The following COLEC10 variants were observed in gnomAD, a reference collection of about 807,000 sequenced individuals.
The protein encoded by COLEC10 is collectin-10.
COLEC10 carries 22 observed loss-of-function variants against 28.4 expected under a neutral mutation model. That is an observed-to-expected ratio of 0.78 (90% CI 0.55 to 1.11). The LOEUF (loss-of-function observed/expected upper bound fraction) is 1.11. Among genes scored for constraint, COLEC10 ranks in the 50% least tolerant of loss-of-function variants. The pLI is 0.00. For synonymous variants in COLEC10, 125 were observed against 116.1 expected (o/e 1.08, Z -0.49); for missense variants, 361 against 344.1 (o/e 1.05, Z -0.39).
the COLEC10 span, among the ~76,000 whole-genome samples, chr8:118,960,785 GAAAA>G: frequency 2.0e-3 from 148 of 72,552 alleles, no homozygotes; most frequent in African/African-American, 7.1e-3. Flanking sequence ...GAGACTCTGT[GAAAA>G]AAAAAAAAAA....
chr8:118,958,680 C>T, the COLEC10 span, among the ~76,000 whole-genome samples: 80 of 152,318 alleles, frequency 5.3e-4, no homozygotes, highest in Non-Finnish European at 6.6e-4. Context: ...ATTTGGAATA[C>T]GATGAGACCT....
chr8:118,956,568 A>G, the COLEC10 span, among the ~76,000 whole-genome samples: 4 of 152,198 alleles, frequency 2.6e-5, no homozygotes, highest in Non-Finnish European at 5.9e-5. Context: ...AGTCACTTCA[A>G]CTGGAGTTTC....
At chr8:118,971,293 C>T in the COLEC10 span, among the ~76,000 whole-genome samples, 2 of 151,954 alleles carry the variant, frequency 1.3e-5, no homozygotes, top group East Asian at 3.9e-4. Context: ...GCAAGGTCAC[C>T]TCTGGATGAT....
intron 1 of COLEC10, among the ~76,000 whole-genome samples, chr8:119,002,070 A>G (rs1196684718): frequency 1.3e-5 from 2 of 152,232 alleles, no homozygotes; most frequent in African/African-American, 4.8e-5. Flanking sequence ...TGCATTGCCT[A>G]GAAAGCAATC....
chr8:119,009,412 A>G (rs1305315873), intron 1 of COLEC10: 3 of 150,454 alleles, frequency 2.0e-5, no homozygotes, highest in Admixed American at 6.6e-5. Context: ...GTTATAAGAC[A>G]AGGCTCTTCT....
chr8:119,047,301 C>T (rs915826161), intron 2 of COLEC10, among the ~76,000 whole-genome samples: 2 of 152,154 alleles, frequency 1.3e-5, no homozygotes, highest in Admixed American at 1.3e-4. Flanking sequence ...ATGGATCAAG[C>T]AGCCAGAAAA....
intron 1 of COLEC10, among the ~76,000 whole-genome samples, chr8:119,079,977 T>C (rs1815337875): frequency 6.6e-6 from 1 of 152,180 alleles, no homozygotes; most frequent in Non-Finnish European, 1.5e-5. Flanking sequence ...TCCTTACATA[T>C]TGTGTTTCCT....
At chr8:118,997,304 T>C (rs1356009126) in intron 1 of COLEC10, among the ~76,000 whole-genome samples, 1 of 151,906 alleles carries the variant, frequency 6.6e-6, no homozygotes, top group Non-Finnish European at 1.5e-5. Flanking sequence ...AGAGGCTGTT[T>C]AGTTTGATGT....
upstream of COLEC10, among the ~76,000 whole-genome samples, chr8:119,063,589 G>A (rs1814896408): frequency 6.6e-6 from 1 of 152,072 alleles, no homozygotes; most frequent in African/African-American, 2.4e-5. Context: ...GGTCCACCCA[G>A]ATAATCTAGG....
chr8:119,057,869 G>T (rs906964200), intron 2 of COLEC10, among the ~76,000 whole-genome samples: 2 of 152,010 alleles, frequency 1.3e-5, no homozygotes, highest in African/African-American at 4.8e-5. Context: ...GACCAGAAAA[G>T]GATATTGATT....
At chr8:119,000,913 AC>A (rs1813685010) in intron 1 of COLEC10, among the ~76,000 whole-genome samples, 1 of 139,684 alleles carries the variant, frequency 7.2e-6, no homozygotes, top group African/African-American at 2.7e-5. Flanking sequence ...GATAAAGTCA[AC>A]CATAAATGCA....
intron 3 of COLEC10, among the ~76,000 whole-genome samples, chr8:119,097,790 G>A (rs191722067): frequency 3.9e-5 from 6 of 152,106 alleles, no homozygotes; most frequent in Admixed American, 6.6e-5. Context: ...TGTATTGCTC[G>A]TATTGCTCTG....
intron 1 of COLEC10, among the ~76,000 whole-genome samples, chr8:119,088,476 TAA>T (rs1465809140): frequency 1.3e-5 from 2 of 152,084 alleles, no homozygotes; most frequent in South Asian, 2.1e-4. Context: ...CAGAAAAAAA[TAA>T]AAAGAGACAA....
chr8:119,072,989 A>G (rs1815156155), intron 1 of COLEC10, among the ~76,000 whole-genome samples: 1 of 152,190 alleles, frequency 6.6e-6, no homozygotes, highest in Non-Finnish European at 1.5e-5. Context: ...CACAAATAGG[A>G]CATTTTGTGA....
At chr8:118,952,595 A>T in the COLEC10 span, among the ~76,000 whole-genome samples, 1 of 152,190 alleles carries the variant, frequency 6.6e-6, no homozygotes, top group East Asian at 1.9e-4. Context: ...ACTCCTTGTT[A>T]TCTGGGGTAG....
intron 2 of COLEC10, among the ~76,000 whole-genome samples, chr8:119,032,314 C>T (rs112021336): frequency 1.0e-3 from 157 of 152,258 alleles, no homozygotes; most frequent in African/African-American, 3.4e-3. Flanking sequence ...TGCTATTCTA[C>T]GGTTTTTGTG....
upstream of COLEC10, among the ~76,000 whole-genome samples, chr8:119,065,774 C>T (rs1814942479): frequency 1.3e-5 from 2 of 150,940 alleles, no homozygotes; most frequent in South Asian, 4.2e-4. Flanking sequence ...ACGAGAATCG[C>T]TTGAACCTGG....
At chr8:119,022,113 G>T (rs1459606382) in intron 2 of COLEC10, among the ~76,000 whole-genome samples, 1 of 151,836 alleles carries the variant, frequency 6.6e-6, no homozygotes, top group African/African-American at 2.4e-5. Context: ...ACAATATCTT[G>T]ATATTTTAGA....
At chr8:118,979,548 A>G in the COLEC10 span, among the ~76,000 whole-genome samples, 4 of 152,148 alleles carry the variant, frequency 2.6e-5, no homozygotes, top group African/African-American at 9.6e-5. Context: ...AATTACTCTG[A>G]TATGTTTGTA....
Sources: gnomAD v4.1 joint callset for allele counts (sites outside exome capture counted in the v4.1 genomes callset) on GRCh38, gnomAD v4.1.1 for gene constraint, MANE v1.5 for transcripts, NCBI Gene and HGNC (gene_info 2026-07-23, HGNC 2026-07-21) for gene names.